ERH: variants seen among roughly 807,000 people sequenced by gnomAD.
The protein encoded by ERH is enhancer of rudimentary homolog.
In ERH, 1 loss-of-function variant was observed where a neutral mutation model predicts 16.8. That is an observed-to-expected ratio of 0.06 (90% CI 0.02 to 0.28). The LOEUF is 0.28. Ranked by LOEUF, ERH falls within the 10% of genes least tolerant of loss-of-function variation. The pLI is 1.00. For missense variants in ERH, 42 were observed against 127.5 expected (o/e 0.33, Z 3.23); for synonymous variants, 43 against 43.6 (o/e 0.99, Z 0.05).
chr14:69,380,187 C>T lies in ERH; in HGVS notation c.*351G>A, dbSNP rs776118863. On this transcript the variant is annotated 3_prime_UTR_variant, in exon 4 of 4. Coordinates refer to ENST00000557016, the MANE Select transcript of ERH (RefSeq NM_004450.3). Reference sequence around the variant, plus strand: ...ACTTTATCTTGAGGACATGGCTAAACTGCATTTCCACCCCCCACCCCATCT... The same window carrying T: ...ACTTTATCTTGAGGACATGGCTAAATTGCATTTCCACCCCCCACCCCATCT... 3.4e-5 allele frequency: 6 copies of T among 178,428 alleles called. No homozygotes were observed. Among genetic ancestry groups the T allele is most frequent in the Non-Finnish European group, 5.8e-5 (5 of 86,402 alleles). 11.1% of individuals were successfully genotyped at this position (178,428 alleles called of 1,614,324 possible).
rs115899255 is a variant in ERH at position 69,394,682 on chromosome 14, A to T, written c.91+143T>A. The T allele has an allele frequency of 1.0e-3, 587 of 560,052 alleles. 4 individuals carry two copies. In the African/African-American group the frequency reaches 0.011, roughly 10 times the overall value. The allele number at this position is 560,052 out of a possible 1,614,324, so 34.7% of individuals were successfully genotyped here. On this transcript the variant is annotated intron_variant, in intron 2 of 3. Transcript: ENST00000557016. ...AATATCTGCTTTCCCTCCTAAAATT[A>T]GCAATTCAATAAATTTGGAGGGTTG...
chr14:69,391,440 GTT>G (rs1379206428), intron 2 of ERH, among the ~76,000 whole-genome samples: 2 of 152,012 alleles, frequency 1.3e-5, no homozygotes, highest in East Asian at 3.9e-4. Flanking sequence ...GAGGTCAGGA[GTT>G]TGAGACCAGC....
chr14:69,398,007 G>A (rs1296653954), intron 1 of ERH: 4 of 614,572 alleles, frequency 6.5e-6, no homozygotes, highest in South Asian at 1.9e-5. Context: ...CGCCGGACCC[G>A]AGCGAGCAGG....
At chr14:69,384,090 C>T (rs1226170788) in intron 3 of ERH, among the ~76,000 whole-genome samples, 1 of 152,112 alleles carries the variant, frequency 6.6e-6, no homozygotes, top group African/African-American at 2.4e-5. Context: ...TTTTACTCTG[C>T]TCAATTTTCA....
In ERH at chr14:69,398,275, GC is replaced by G; in HGVS notation, c.-43del. On this transcript the variant is annotated 5_prime_UTR_variant, in exon 1 of 4. Transcript: ENST00000557016. ...CGCTACAGCAGCTGCCGACACCGCC[GC>G]CGTTACACGAGCTTAACTACAACGC... The G allele has an allele frequency of 2.5e-6, 4 of 1,613,626 alleles. No individual in the cohort carries two copies. Among genetic ancestry groups the G allele is most frequent in the Non-Finnish European group, 3.4e-6 (4 of 1,179,848 alleles).
Position 69,396,449 on chromosome 14 carries a change from T to C in ERH, c.4-1537A>G, listed in dbSNP as rs1482404721. Among the ~76,000 whole-genome samples, 4 of 152,272 alleles carry C rather than the reference T, an allele frequency of 2.6e-5. No individual in the cohort carries two copies. In the East Asian group the frequency reaches 7.7e-4, roughly 29 times the overall value. Reference sequence around the variant, plus strand: ...GCTAATTTTGTCTTTTTAGTAGAGATGGGGTTTCTCCATGTTGGTCAGACT... The same window carrying C: ...GCTAATTTTGTCTTTTTAGTAGAGACGGGGTTTCTCCATGTTGGTCAGACT... On this transcript the variant is annotated intron_variant, in intron 1 of 3. Transcript: ENST00000557016.
intron 3 of ERH, among the ~76,000 whole-genome samples, chr14:69,380,947 T>C (rs1488681016): frequency 6.6e-6 from 1 of 152,226 alleles, no homozygotes; most frequent in Non-Finnish European, 1.5e-5. Context: ...TCCTCCTACA[T>C]AGTTTCTATT....
intron 2 of ERH, among the ~76,000 whole-genome samples, chr14:69,390,947 C>G (rs569410167): frequency 6.6e-6 from 1 of 151,328 alleles, no homozygotes; most frequent in African/African-American, 2.5e-5. Context: ...CAATAAGATA[C>G]CTTAGAATGG....
chr14:69,384,311 C>A (rs1396801192), intron 3 of ERH, among the ~76,000 whole-genome samples: 1 of 152,188 alleles, frequency 6.6e-6, no homozygotes, highest in Non-Finnish European at 1.5e-5. Flanking sequence ...AGCACTTGAT[C>A]CTCACAAGGA....
chr14:69,391,197 T>C (rs1441895700), intron 2 of ERH, among the ~76,000 whole-genome samples: 1 of 152,222 alleles, frequency 6.6e-6, no homozygotes, highest in Non-Finnish European at 1.5e-5. Flanking sequence ...AGCAGCTTTA[T>C]TCATAATTGC....
chr14:69,384,781 GAACA>G (rs2045881762), intron 3 of ERH, among the ~76,000 whole-genome samples: 1 of 152,148 alleles, frequency 6.6e-6, no homozygotes, highest in African/African-American at 2.4e-5. Flanking sequence ...ATGCAGCAGT[GAACA>G]AACACAAAGC....
At chr14:69,395,954 C>T (rs542175761) in intron 1 of ERH, among the ~76,000 whole-genome samples, 3 of 152,328 alleles carry the variant, frequency 2.0e-5, no homozygotes, top group Non-Finnish European at 2.9e-5. Flanking sequence ...ACTAACAAAT[C>T]AATCTCAGTG....
In ERH at chr14:69,380,493, C is replaced by T; in HGVS notation, c.*45G>A. On this transcript the variant is annotated 3_prime_UTR_variant, in exon 4 of 4. Coordinates refer to ENST00000557016, the MANE Select transcript of ERH (RefSeq NM_004450.3). The stretch of plus-strand genomic sequence containing the variant: ...TTCCACTACAGCACGCTGTACACAC[C>T]TGTGTTCCAAGCCCACCCCAACCCC... 1.8e-6 allele frequency: 2 copies of T among 1,090,696 alleles called. No homozygotes were observed. Among genetic ancestry groups the T allele is most frequent in the Non-Finnish European group, 2.8e-6 (2 of 703,754 alleles). 67.6% of individuals were successfully genotyped at this position (1,090,696 alleles called of 1,614,324 possible). A position where few individuals can be genotyped will look rare whatever the true frequency, so the allele number is the denominator to read the frequency against.
At chr14:69,388,456 G>A (rs544001106) in intron 2 of ERH, among the ~76,000 whole-genome samples, 151 of 151,986 alleles carry the variant, frequency 9.9e-4, no homozygotes, top group African/African-American at 3.5e-3. Flanking sequence ...CGCCTCCTGG[G>A]TTCAAGCGAT....
chr14:69,382,889 A>G (rs953820716), intron 3 of ERH, among the ~76,000 whole-genome samples: 1 of 152,144 alleles, frequency 6.6e-6, no homozygotes, highest in African/African-American at 2.4e-5. Flanking sequence ...TAAATGTTAA[A>G]TACTTTAATA....
In ERH at chr14:69,392,160, A is replaced by G. The variant is rs528028279; in HGVS notation, c.91+2665T>C. Among the ~76,000 whole-genome samples, 20 of 148,444 alleles carry G rather than the reference A, an allele frequency of 1.3e-4. 1 individual carries two copies. Among genetic ancestry groups the G allele is most frequent in the Admixed American group, 9.3e-4 (14 of 15,040 alleles). On this transcript the variant is annotated intron_variant, in intron 2 of 3. Transcript: ENST00000557016. ...AAGTCTTTAACTGCTCTTAAAAAAAAGGGGGGAGGAAAAAAATGCTCTGAT... is the reference window on the plus strand; with the variant it reads ...AAGTCTTTAACTGCTCTTAAAAAAAGGGGGGGAGGAAAAAAATGCTCTGAT...
intron 2 of ERH, among the ~76,000 whole-genome samples, chr14:69,390,809 C>G (rs113748296): frequency 2.6e-5 from 4 of 152,280 alleles, no homozygotes; most frequent in African/African-American, 9.6e-5. Context: ...CAAAGAACTC[C>G]TAAAACTTAA....
chr14:69,382,767 C>T (rs1409070171), intron 3 of ERH, among the ~76,000 whole-genome samples: 7 of 145,032 alleles, frequency 4.8e-5, no homozygotes, highest in South Asian at 2.2e-4. Context: ...TGAACCCTGG[C>T]GACAGTGCAA....
At chr14:69,397,344 T>C (rs1882368677) in intron 1 of ERH, among the ~76,000 whole-genome samples, 1 of 151,930 alleles carries the variant, frequency 6.6e-6, no homozygotes, top group East Asian at 1.9e-4. Flanking sequence ...GTCTCTGAGC[T>C]GAGCCTACTT....
Sources: allele counts gnomAD v4.1 joint callset (sites outside exome capture counted in the v4.1 genomes callset), GRCh38; gene constraint gnomAD v4.1.1; transcripts MANE v1.5; gene names NCBI Gene and HGNC (gene_info 2026-07-23, HGNC 2026-07-21).